The following SRPK1 variants were observed in gnomAD, a reference collection of about 807,000 sequenced individuals.
SRPK1 encodes the protein SRSF protein kinase 1, also known as SFRS protein kinase 1.
SRPK1 carries 52 observed loss-of-function variants against 89.5 expected under a neutral mutation model. The observed-to-expected ratio is 0.58, with a 90% CI of 0.46 to 0.73. The LOEUF is 0.73. Among genes scored for constraint, SRPK1 ranks in the 30% least tolerant of loss-of-function variants. The pLI is 0.00. For synonymous variants in SRPK1, 255 were observed against 270.2 expected (o/e 0.94, Z 0.55); for missense variants, 603 against 780.6 (o/e 0.77, Z 2.71).
chr6:35,888,753 A>G, intron 4 of SRPK1, 62 bp downstream of exon 4: 1 of 1,084,040 alleles, frequency 9.2e-7, no homozygotes, highest in Non-Finnish European at 1.4e-6. Flanking sequence ...AGCAGTGGAA[A>G]CTCAGACAAA....
At chr6:35,884,767 G>A (rs954130732) in intron 6 of SRPK1, among the ~76,000 whole-genome samples, 3 of 152,122 alleles carry the variant, frequency 2.0e-5, no homozygotes, top group Non-Finnish European at 4.4e-5. Flanking sequence ...TTGGGAGGCC[G>A]AGGCGGGCAG....
intron 2 of SRPK1, chr6:35,920,218 G>T (rs781362903): frequency 3.4e-6 from 2 of 595,520 alleles, no homozygotes; most frequent in Non-Finnish European, 6.4e-6. Context: ...GAAAGGTACC[G>T]GGCGGGCTCT....
At position 35,842,553 on chromosome 6, in the gene SRPK1, C is replaced by G; in HGVS notation, c.1672G>C (p.Glu558Gln). ...DYLFEPHSGE[E>Q]YTRDEDHIAL... Reference sequence around the variant, plus strand: ...GACTCACCTTCATCTCGAGTGTACTCTTCCCCTGAATGAGGTTCAAACAAA... The same window carrying G: ...GACTCACCTTCATCTCGAGTGTACTGTTCCCCTGAATGAGGTTCAAACAAA... The change falls in exon 14 of 16, where the codon GAG becomes CAG. Residue 558 changes from glutamate (E) to glutamine (Q), a missense_variant. By Grantham distance (29) the Glu-to-Gln change is conservative (BLOSUM62 2). Transcript: ENST00000373825. The G allele has an allele frequency of 6.2e-7, 1 of 1,612,494 alleles. No individual in the cohort carries two copies. Among genetic ancestry groups the G allele is most frequent in the Non-Finnish European group, 8.5e-7 (1 of 1,179,332 alleles).
At chr6:35,852,915 T>TCAGCAA (rs1769584903) in intron 13 of SRPK1, among the ~76,000 whole-genome samples, 1 of 152,068 alleles carries the variant, frequency 6.6e-6, no homozygotes, top group Non-Finnish European at 1.5e-5. Flanking sequence ...TTGAAAATAT[T>TCAGCAA]CAGAAACAGC....
rs190172138 is a variant in SRPK1 at position 35,903,895 on chromosome 6, C to T, written c.75-12882G>A. 4.1e-3 allele frequency among the ~76,000 whole-genome samples: 618 copies of T among 152,260 alleles called. 2 individuals carry two copies. Among genetic ancestry groups the T allele is most frequent in the Non-Finnish European group, 6.7e-3 (453 of 68,022 alleles). On this transcript the variant is annotated intron_variant, in intron 2 of 15. Transcript: ENST00000373825. ...AATCATGGCACGTAGCAGCCTTGAC[C>T]TTCCAGGCTGAAGCAATCCCACTTT...
Position 35,921,078 on chromosome 6 carries a change from G to A in SRPK1, c.-22C>T, listed in dbSNP as rs904957851. 10 of 1,508,636 alleles carry A rather than the reference G, an allele frequency of 6.6e-6. No homozygotes were observed. The highest frequency in any genetic ancestry group is 2.1e-5 in the Admixed American group (1 of 47,268). 93.5% of individuals were successfully genotyped at this position (1,508,636 alleles called of 1,614,324 possible). The stretch of plus-strand genomic sequence containing the variant: ...CCATGGTGAGACCGGTAATCGCCAG[G>A]CGCCTGCGCACTCGAGTGGCGGCGA... On this transcript the variant is annotated 5_prime_UTR_variant, in exon 1 of 16. Transcript: ENST00000373825.
Position 35,904,953 on chromosome 6 carries a change from T to G in SRPK1, c.75-13940A>C, listed in dbSNP as rs531691855. 7.9e-5 allele frequency: 35 copies of G among 440,260 alleles called. No individual in the cohort carries two copies. In the East Asian group the frequency reaches 2.7e-3, roughly 33 times the overall value. The allele number at this position is 440,260 out of a possible 1,614,324, so 27.3% of individuals were successfully genotyped here. On this transcript the variant is annotated intron_variant, in intron 2 of 15. Transcript: ENST00000373825. ...GGCCAGGAGTTCAAGACCAGCCTGG[T>G]TAGTACAGCAAGACTCCATCTCTAC...
chr6:35,859,346 T>C (rs1253282308), intron 12 of SRPK1, among the ~76,000 whole-genome samples: 1 of 152,184 alleles, frequency 6.6e-6, no homozygotes, highest in Non-Finnish European at 1.5e-5. Flanking sequence ...TAAAAGCTTA[T>C]ATAACTGTCT....
chr6:35,836,890 G>A (rs973104258), intron 15 of SRPK1, among the ~76,000 whole-genome samples: 5 of 151,946 alleles, frequency 3.3e-5, no homozygotes, highest in African/African-American at 1.2e-4. Flanking sequence ...TGCACATGAG[G>A]AGGAACTCTT....
chr6:35,915,955 G>T (rs1265622779), intron 2 of SRPK1, among the ~76,000 whole-genome samples: 1 of 120,482 alleles, frequency 8.3e-6, no homozygotes, highest in African/African-American at 3.5e-5. Context: ...CTGGGCGACA[G>T]AACGAGACTC....
chr6:35,886,733 T>C lies in SRPK1; in HGVS notation c.469A>G (p.Asn157Asp). 1 of 1,583,222 alleles carries C rather than the reference T, an allele frequency of 6.3e-7. No individual in the cohort carries two copies. Among genetic ancestry groups the C allele is most frequent in the Non-Finnish European group, 8.7e-7 (1 of 1,152,516 alleles). Residue 157 changes from asparagine to aspartate, a missense_variant, in exon 6 of 16, where the codon AAT (asparagine) becomes GAT (aspartate). Physicochemically the swap from Asn to Asp is conservative, Grantham distance 23. Transcript: ENST00000373825. The stretch of plus-strand genomic sequence containing the variant: ...GTTTTTAAAAGGATACGTGTTCCAT[T>C]AACTCCTGATATTTTAAAGTCATCT... The part of the protein sequence containing the change: ...LLDDFKISGV[N>D]GTHICMVFEV...
chr6:35,903,510 C>CAA (rs199765665), intron 2 of SRPK1, among the ~76,000 whole-genome samples: 5 of 119,986 alleles, frequency 4.2e-5, no homozygotes, highest in East Asian at 2.3e-4. Context: ...AGACTGTCTC[C>CAA]AAAAAAAAAA....
chr6:35,854,510 A>T (rs1769626486), intron 13 of SRPK1, among the ~76,000 whole-genome samples: 1 of 151,442 alleles, frequency 6.6e-6, no homozygotes, highest in Non-Finnish European at 1.5e-5. Flanking sequence ...AATGGGGCTC[A>T]ATTTTTCATG....
chr6:35,848,752 G>A (rs1023829736), intron 13 of SRPK1, among the ~76,000 whole-genome samples: 3 of 152,186 alleles, frequency 2.0e-5, no homozygotes, highest in African/African-American at 7.2e-5. Flanking sequence ...TACAGAATGG[G>A]AAAAGGATAG....
rs1163089602 is a variant in SRPK1 at position 35,842,727 on chromosome 6, A to T, written c.1621-123T>A. ...CCTTGGGAAAACTTATAGATCATTT[A>T]AAAAAAAAAAAAAACAAAAACTTAA... On this transcript the variant is annotated intron_variant, in intron 13 of 15. Coordinates refer to ENST00000373825, the MANE Select transcript of SRPK1 (RefSeq NM_003137.5). The T allele has an allele frequency of 2.2e-4, 56 of 254,214 alleles. No individual in the cohort carries two copies. In the East Asian group the frequency reaches 4.2e-3, roughly 19 times the overall value. 15.7% of individuals were successfully genotyped at this position (254,214 alleles called of 1,614,324 possible).
At chr6:35,856,856 C>A (rs1769676500) in intron 13 of SRPK1, 2 of 157,348 alleles carry the variant, frequency 1.3e-5, no homozygotes, top group Non-Finnish European at 2.8e-5. Flanking sequence ...ATCTTGGGAG[C>A]TGCAAAGGTA....
In SRPK1 at chr6:35,869,522, A is replaced by G; in HGVS notation, c.1371T>C (p.Asp457=). 6.2e-7 allele frequency: 1 copy of G among 1,613,972 alleles called. No homozygotes were observed. Among genetic ancestry groups the G allele is most frequent in the Non-Finnish European group, 8.5e-7 (1 of 1,179,878 alleles). The change falls in exon 11 of 16, where the codon GAT becomes GAC. Residue 457 remains aspartate, a synonymous_variant. Transcript: ENST00000373825. The stretch of plus-strand genomic sequence containing the variant: ...GTCCGTTATGTTCTTGCTCTTGTTC[A>G]TCTTCACAGGGTATCTCTGCCCGAA... ...ESIRAEIPCE[D]EQEQEHNGPL...
intron 2 of SRPK1, among the ~76,000 whole-genome samples, chr6:35,913,751 T>A (rs1225024314): frequency 4.7e-5 from 7 of 147,814 alleles, no homozygotes; most frequent in African/African-American, 1.8e-4. Flanking sequence ...TGAGCCAAGA[T>A]CATGCCACTG....
chr6:35,835,766 G>C (rs9462127), intron 15 of SRPK1, among the ~76,000 whole-genome samples: 51,544 of 151,878 alleles, frequency 0.34, 9,009 homozygotes, highest in South Asian at 0.45. Flanking sequence ...CAATCAAGAA[G>C]TAGGTATTTA....
Sources: gnomAD v4.1 joint callset for allele counts (sites outside exome capture counted in the v4.1 genomes callset) on GRCh38, gnomAD v4.1.1 for gene constraint, MANE v1.5 for transcripts, NCBI Gene and HGNC (gene_info 2026-07-23, HGNC 2026-07-21) for gene names.